Variants in PCDHA5 observed in about 807,000 individuals in gnomAD.
PCDHA5 encodes protocadherin alpha-5.
A neutral mutation model predicts 61.6 loss-of-function variants in PCDHA5; 43 were observed. The observed-to-expected ratio is 0.70, with a 90% CI of 0.55 to 0.90. The LOEUF is 0.90. Among genes scored for constraint, PCDHA5 ranks in the 40% least tolerant of loss-of-function variants. The pLI is 0.00. For synonymous variants in PCDHA5, 627 were observed against 543.9 expected, an observed-to-expected ratio of 1.15 and a Z score of -2.13; for missense variants, 1,298 against 1,222.7, an observed-to-expected ratio of 1.06 and a Z score of -0.92.
chr5:140,952,841 C>T (rs2094805193), intron 1 of PCDHA5, among the ~76,000 whole-genome samples: 1 of 152,102 alleles, frequency 6.6e-6, no homozygotes, highest in South Asian at 2.1e-4. Context: ...TGGCCATCTG[C>T]TTGTCTTCTG....
intron 1 of PCDHA5, among the ~76,000 whole-genome samples, chr5:140,900,353 C>T (rs1426808430): frequency 6.6e-6 from 1 of 152,092 alleles, no homozygotes; most frequent in Non-Finnish European, 1.5e-5. Flanking sequence ...TCTTGGCTCA[C>T]CGCAACCTCT....
chr5:140,927,796 C>T, intron 1 of PCDHA5: 1 of 1,614,202 alleles, frequency 6.2e-7, no homozygotes, highest in South Asian at 1.1e-5. Context: ...ACTAGGTCCG[C>T]CTGAAACGCT....
chr5:140,947,784 T>C (rs2094176527), intron 1 of PCDHA5, among the ~76,000 whole-genome samples: 1 of 151,672 alleles, frequency 6.6e-6, no homozygotes, highest in Non-Finnish European at 1.5e-5. Context: ...AAATGGATTT[T>C]AAACAGACTT....
intron 1 of PCDHA5, chr5:140,842,103 T>C: frequency 6.2e-7 from 1 of 1,613,846 alleles, no homozygotes; most frequent in Non-Finnish European, 8.5e-7. Flanking sequence ...GGAACAACAG[T>C]TATCAAACTG....
chr5:140,924,909 AAT>A (rs1563069038), intron 1 of PCDHA5, among the ~76,000 whole-genome samples: 1,502 of 66,200 alleles, frequency 0.023, 33 homozygotes, highest in African/African-American at 0.07. Context: ...AAAAAAATAA[AAT>A]AAAATAAAAT....
At chr5:141,007,161 G>C (rs2098308747) in intron 3 of PCDHA5, among the ~76,000 whole-genome samples, 1 of 152,146 alleles carries the variant, frequency 6.6e-6, no homozygotes, top group Non-Finnish European at 1.5e-5. Context: ...TCAAAGAACA[G>C]TCAGAGAGAA....
At chr5:140,983,018 A>T (rs2097022598) in intron 3 of PCDHA5, among the ~76,000 whole-genome samples, 1 of 152,096 alleles carries the variant, frequency 6.6e-6, no homozygotes, top group African/African-American at 2.4e-5. Flanking sequence ...GGAAGGAAGG[A>T]AGGAAGATGG....
chr5:140,840,409 T>C (rs1242037387), intron 1 of PCDHA5, among the ~76,000 whole-genome samples: 1 of 151,904 alleles, frequency 6.6e-6, no homozygotes, highest in East Asian at 1.9e-4. Context: ...TAAGAATACT[T>C]CAAATAATAG....
intron 1 of PCDHA5, among the ~76,000 whole-genome samples, chr5:140,902,484 G>T (rs1211102117): frequency 3.3e-5 from 5 of 152,096 alleles, no homozygotes; most frequent in African/African-American, 1.2e-4. Context: ...TGCCTGCTCA[G>T]TATGATACTA....
At chr5:141,003,936 C>T (rs934368361) in intron 3 of PCDHA5, among the ~76,000 whole-genome samples, 41 of 152,122 alleles carry the variant, frequency 2.7e-4, no homozygotes, top group African/African-American at 9.9e-4. Context: ...TTGTCTTTGC[C>T]TGAGGGTGAG....
intron 1 of PCDHA5, chr5:140,969,209 A>G (rs1586360550): frequency 1.2e-6 from 2 of 1,614,194 alleles, no homozygotes; most frequent in Non-Finnish European, 1.7e-6. Context: ...AGGGGCCCAG[A>G]CAGGACCAGG....
In PCDHA5 at chr5:140,823,791, C is replaced by T. The variant is rs2150129177; in HGVS notation, c.2016C>T (p.Gly672=). The change falls in exon 1 of 4, where the codon GGC becomes GGT. Residue 672 remains glycine, a synonymous_variant. Transcript: ENST00000529859. The part of the protein sequence containing the change: ...ATVLVSLVES[G]QAPKASSRAS... ...TGCTGGTGTCGCTGGTGGAAAGTGGCCAGGCGCCGAAGGCCTCATCGCGGG... is the reference window on the plus strand; with the variant it reads ...TGCTGGTGTCGCTGGTGGAAAGTGGTCAGGCGCCGAAGGCCTCATCGCGGG... 5.9e-5 allele frequency: 96 copies of T among 1,613,688 alleles called. No individual in the cohort carries two copies. Among genetic ancestry groups the T allele is most frequent in the Non-Finnish European group, 7.9e-5 (93 of 1,179,926 alleles).
chr5:140,848,637 A>G, intron 1 of PCDHA5: 1 of 1,593,240 alleles, frequency 6.3e-7, no homozygotes, highest in Non-Finnish European at 8.6e-7. Context: ...CGTGGGCCGC[A>G]TCGCGCAGGA....
At chr5:140,927,818 A>C (rs1554205106) in intron 1 of PCDHA5, 1 of 1,614,190 alleles carries the variant, frequency 6.2e-7, no homozygotes, top group Admixed American at 1.7e-5. Flanking sequence ...TTGGAGGCAT[A>C]CATTGAGGCG....
intron 3 of PCDHA5, among the ~76,000 whole-genome samples, chr5:140,984,922 C>T (rs2097125803): frequency 6.6e-6 from 1 of 152,074 alleles, no homozygotes; most frequent in Non-Finnish European, 1.5e-5. Flanking sequence ...TAGTGCTTGA[C>T]ATATAGTTAA....
At chr5:140,885,073 T>TA (rs1196857475) in intron 1 of PCDHA5, among the ~76,000 whole-genome samples, 2 of 152,226 alleles carry the variant, frequency 1.3e-5, no homozygotes, top group African/African-American at 4.8e-5. Context: ...GATATTATTT[T>TA]AAAGAGCCCC....
intron 1 of PCDHA5, among the ~76,000 whole-genome samples, chr5:140,873,200 T>C (rs1462660228): frequency 6.6e-6 from 1 of 152,228 alleles, no homozygotes; most frequent in Non-Finnish European, 1.5e-5. Context: ...GCTAAAAACA[T>C]TCTTTAAGTA....
chr5:140,857,821 T>C, intron 1 of PCDHA5: 2 of 1,597,642 alleles, frequency 1.3e-6, no homozygotes, highest in South Asian at 2.2e-5. Flanking sequence ...ACGTGGTGGC[T>C]AAGGTGCGCG....
chr5:140,861,504 G>A (rs900432439), intron 1 of PCDHA5: 5 of 480,672 alleles, frequency 1.0e-5, no homozygotes, highest in African/African-American at 2.0e-5. Context: ...GATAGACCTC[G>A]AGGAGCTGTG....
Sources: gnomAD v4.1 joint callset for allele counts (sites outside exome capture counted in the v4.1 genomes callset) on GRCh38, gnomAD v4.1.1 for gene constraint, MANE v1.5 for transcripts, NCBI Gene and HGNC (gene_info 2026-07-23, HGNC 2026-07-21) for gene names.